NSD1: variants seen among roughly 807,000 people sequenced by gnomAD.
NSD1 encodes histone-lysine N-methyltransferase, H3 lysine-36 specific.
A neutral mutation model predicts 242.7 loss-of-function variants in NSD1; 26 were observed. The observed-to-expected ratio is 0.11, with a 90% CI of 0.08 to 0.15. The LOEUF (loss-of-function observed/expected upper bound fraction) is 0.15. NSD1 is among the 10% of genes least tolerant of loss of function. The pLI is 1.00. For synonymous variants in NSD1, 1,106 were observed against 1,178.1 expected (o/e 0.94, Z 1.25); for missense variants, 2,495 against 3,272.8 (o/e 0.76, Z 5.80).
chr5:177,157,225 G>C (rs1415650202), intron 2 of NSD1, among the ~76,000 whole-genome samples: 1 of 151,648 alleles, frequency 6.6e-6, no homozygotes, highest in Admixed American at 6.6e-5. Flanking sequence ...AAATTAGCTG[G>C]TGTGGTGGCG....
At chr5:177,217,964 G>T (rs1763917182) in intron 5 of NSD1, among the ~76,000 whole-genome samples, 1 of 151,958 alleles carries the variant, frequency 6.6e-6, no homozygotes, top group Non-Finnish European at 1.5e-5. Flanking sequence ...CACTTAGGTT[G>T]GAGTGCAGTG....
chr5:177,158,295 T>TTC (rs1491107302), intron 2 of NSD1, among the ~76,000 whole-genome samples: 1 of 127,792 alleles, frequency 7.8e-6, no homozygotes, highest in Non-Finnish European at 1.6e-5. Context: ...CTTTCTTTCT[T>TTC]TCTTTCTTTT....
intron 2 of NSD1, among the ~76,000 whole-genome samples, chr5:177,188,857 C>T (rs1327000024): frequency 6.6e-6 from 1 of 151,912 alleles, no homozygotes. Flanking sequence ...AAAAAAAATG[C>T]TTTAACAGCT....
chr5:177,188,118 T>C (rs1376088159), intron 2 of NSD1, among the ~76,000 whole-genome samples: 1 of 152,202 alleles, frequency 6.6e-6, no homozygotes, highest in Non-Finnish European at 1.5e-5. Flanking sequence ...TTATTCGTCT[T>C]TGTGTGTCTT....
At chr5:177,149,329 G>A (rs570203131) in intron 2 of NSD1, among the ~76,000 whole-genome samples, 18 of 151,164 alleles carry the variant, frequency 1.2e-4, no homozygotes, top group African/African-American at 3.6e-4. Flanking sequence ...AGCAATTCTC[G>A]TGCGTCAGCC....
intron 2 of NSD1, among the ~76,000 whole-genome samples, chr5:177,152,961 C>T (rs2149779435): frequency 6.6e-6 from 1 of 152,188 alleles, no homozygotes; most frequent in East Asian, 1.9e-4. Context: ...GCTGGGATAA[C>T]AGCTGTGAGC....
chr5:177,136,795 AGTTTT>A (rs1034280594), intron 2 of NSD1: 9 of 586,770 alleles, frequency 1.5e-5, no homozygotes, highest in Non-Finnish European at 2.2e-5. Flanking sequence ...AAGTTTTTCT[AGTTTT>A]GTTTTGTTTT....
At chr5:177,226,524 G>C (rs898212495) in intron 5 of NSD1, among the ~76,000 whole-genome samples, 1 of 152,034 alleles carries the variant, frequency 6.6e-6, no homozygotes, top group African/African-American at 2.4e-5. Flanking sequence ...TTGCTGTTTT[G>C]CCCAAGCCTG....
rs762052484 is a variant in NSD1, at chr5:177,211,944, A to G, written c.3545A>G (p.Asn1182Ser). 6.2e-7 allele frequency: 1 copy of G among 1,603,312 alleles called. No homozygotes were observed. Among genetic ancestry groups the G allele is most frequent in the South Asian group, 1.1e-5 (1 of 89,800 alleles). ...KRMNRFKEKE[N>S]SECAFRVLLP... The stretch of plus-strand genomic sequence containing the variant: ...ATGAACAGATTTAAAGAGAAAGAAA[A>G]CTCTGAGTGTGCCTTTAGGGTCTTA... Residue 1182 changes from asparagine (N) to serine (S), a missense_variant, in exon 5 of 23, where the codon AAC becomes AGC. Around this residue, in one of 19 missense-constraint regions of NSD1, gnomAD observed 426 missense variants for 411.4 expected, o/e 1.04. Transcript: ENST00000439151.
chr5:177,211,802 C>A lies in NSD1; in HGVS notation c.3403C>A (p.Pro1135Thr). Residue 1135 changes from proline (P) to threonine (T), a missense_variant, in exon 5 of 23, where the codon CCA becomes ACA. Pro to Thr is a conservative substitution (Grantham distance 38). Coordinates refer to ENST00000439151, the MANE Select transcript of NSD1 (RefSeq NM_022455.5). ...ACTCTCTTTTGAAAACGGAAAAGGC[C>A]CAGAGCTGGACTCTGTAATGAACAG... Reference protein sequence around the residue: ...KGLSFENGKGPELDSVMNSEN... With the variant: ...KGLSFENGKGTELDSVMNSEN... The A allele has an allele frequency of 6.2e-7, 1 of 1,613,984 alleles. No homozygotes were observed. Among genetic ancestry groups the A allele is most frequent in the Non-Finnish European group, 8.5e-7 (1 of 1,180,018 alleles).
intron 14 of NSD1, among the ~76,000 whole-genome samples, chr5:177,264,090 C>T (rs571054177): frequency 8.4e-6 from 1 of 118,664 alleles, no homozygotes; most frequent in Non-Finnish European, 1.6e-5. Flanking sequence ...GGCTGGAGTG[C>T]AGTGGCGCTA....
rs182057703 is a variant in NSD1 at position 177,242,505 on chromosome 5, A to G, written c.4303-1690A>G. ...AAACATTAGGAACTCTACAACAAAAATGGCCTTTATTATTTATTTATTTAT... is the reference window on the plus strand; with the variant it reads ...AAACATTAGGAACTCTACAACAAAAGTGGCCTTTATTATTTATTTATTTAT... On this transcript the variant is annotated intron_variant, in intron 8 of 22. Coordinates refer to ENST00000439151, the MANE Select transcript of NSD1 (RefSeq NM_022455.5). Among the ~76,000 whole-genome samples, 488 of 148,378 alleles carry G rather than the reference A, an allele frequency of 3.3e-3. 3 individuals are homozygous for G. Among genetic ancestry groups the G allele is most frequent in the African/African-American group, 0.012 (454 of 39,186 alleles).
intron 2 of NSD1, among the ~76,000 whole-genome samples, chr5:177,173,993 G>T (rs1316519399): frequency 6.6e-6 from 1 of 152,182 alleles, no homozygotes; most frequent in Non-Finnish European, 1.5e-5. Flanking sequence ...TAGTGGGAAG[G>T]ATATTTTAGT....
chr5:177,278,842 G>A (rs1329259064), intron 17 of NSD1, among the ~76,000 whole-genome samples: 1 of 152,158 alleles, frequency 6.6e-6, no homozygotes, highest in Non-Finnish European at 1.5e-5. Flanking sequence ...AATGAGGGGA[G>A]ATACATTCTC....
At chr5:177,237,802 GA>G (rs1180319011) in intron 6 of NSD1, among the ~76,000 whole-genome samples, 2 of 152,164 alleles carry the variant, frequency 1.3e-5, no homozygotes, top group East Asian at 1.9e-4. Context: ...CAAAGTTCTG[GA>G]ATTACAGGCG....
rs1174276762 is a variant in NSD1, at chr5:177,294,212, CCTCTTGAGAGAACTGA to C, written c.6848_6863del (p.Leu2283ProfsTer6). 6.2e-7 allele frequency: 1 copy of C among 1,613,456 alleles called. No homozygotes were observed. The highest frequency in any genetic ancestry group is 8.5e-7 in the Non-Finnish European group (1 of 1,179,482). On this transcript the variant is annotated frameshift_variant, in exon 23 of 23. Transcript: ENST00000439151. LOFTEE classifies it high-confidence loss of function. ...TCAGAGGCCATTGCTACCTGAAAGA[CCTCTTGAGAGAACTGA>C]CTCCAGGCCCCAGCCTTTAGATAAG...
intron 13 of NSD1, among the ~76,000 whole-genome samples, chr5:177,257,830 TTA>T (rs1756625093): frequency 6.7e-6 from 1 of 150,100 alleles, no homozygotes; most frequent in African/African-American, 2.4e-5. Context: ...TTATTTTATT[TTA>T]TTTTATTTTA....
chr5:177,233,237 A>T (rs924112387), intron 5 of NSD1, among the ~76,000 whole-genome samples: 30 of 150,608 alleles, frequency 2.0e-4, no homozygotes, highest in Admixed American at 1.1e-3. Flanking sequence ...ATTTTTTTTT[A>T]TTTTTATTTT....
intron 2 of NSD1, among the ~76,000 whole-genome samples, chr5:177,188,318 T>C (rs1562175693): frequency 6.6e-6 from 1 of 152,206 alleles, no homozygotes; most frequent in Non-Finnish European, 1.5e-5. Flanking sequence ...TTCTTGCCTG[T>C]TTCTAAGTTT....
Sources: gnomAD v4.1 joint callset for allele counts (sites outside exome capture counted in the v4.1 genomes callset) on GRCh38, gnomAD v4.1.1 for gene constraint, gnomAD v4.1.1 regional missense constraint, MANE v1.5 for transcripts, NCBI Gene and HGNC (gene_info 2026-07-23, HGNC 2026-07-21) for gene names.